The following MID1 variants were observed in gnomAD, a reference collection of about 807,000 sequenced individuals.
The protein encoded by MID1 is E3 ubiquitin-protein ligase Midline-1.
MID1 carries 7 observed loss-of-function variants against 40.4 expected under a neutral mutation model. The ratio of observed to expected loss-of-function variants is 0.17; its 90% CI spans 0.10 to 0.33. MID1 has a LOEUF of 0.33. Among genes scored for constraint, MID1 ranks in the 10% least tolerant of loss-of-function variants. The pLI is 1.00. For synonymous variants in MID1, 229 were observed against 221.2 expected (o/e 1.04, Z -0.31); for missense variants, 367 against 558.5 (o/e 0.66, Z 3.46).
At chrX:10,803,236 C>A (rs1602586817) in intron 1 of MID1, among the ~76,000 whole-genome samples, 1 of 107,809 alleles carries the variant, frequency 9.3e-6, no homozygotes, top group African/African-American at 3.4e-5. Flanking sequence ...TTTTAGAAAG[C>A]AAAAATATAA....
intron 3 of MID1, among the ~76,000 whole-genome samples, chrX:10,511,379 A>AAT (rs753779941): frequency 8.1e-4 from 90 of 111,361 alleles, no homozygotes; most frequent in African/African-American, 2.7e-3. Context: ...CCCAAGTTGT[A>AAT]ATATATATAT....
chrX:10,527,131 T>A (rs1350779703), intron 2 of MID1, among the ~76,000 whole-genome samples: 1 of 112,234 alleles, frequency 8.9e-6, no homozygotes, highest in Non-Finnish European at 1.9e-5. Context: ...TGGGATTAAG[T>A]AGATATCAGT....
chrX:10,625,059 T>C (rs748623029), upstream of MID1, among the ~76,000 whole-genome samples: 3 of 112,014 alleles, frequency 2.7e-5, no homozygotes, highest in East Asian at 8.3e-4. Context: ...AAGAGGAAAA[T>C]TATTTAAATT....
chrX:10,528,599 A>C (rs1043971908), intron 2 of MID1, among the ~76,000 whole-genome samples: 23 of 112,126 alleles, frequency 2.1e-4, no homozygotes, highest in Non-Finnish European at 2.4e-4. Context: ...GTGTTCAATG[A>C]AACTTTATTT....
At chrX:10,692,145 C>A (rs747389615) in intron 1 of MID1, among the ~76,000 whole-genome samples, 2 of 111,639 alleles carry the variant, frequency 1.8e-5, no homozygotes, top group Non-Finnish European at 3.8e-5. Flanking sequence ...GCATTGTGAT[C>A]TTTTATTGCC....
chrX:10,636,753 A>T (rs1936115481), intron 1 of MID1, among the ~76,000 whole-genome samples: 1 of 89,883 alleles, frequency 1.1e-5, no homozygotes, highest in Non-Finnish European at 2.1e-5. Context: ...TATGGATTTG[A>T]TGCTGACAAA....
intron 1 of MID1, among the ~76,000 whole-genome samples, chrX:10,728,353 CA>C (rs2043413306): frequency 9.0e-6 from 1 of 111,595 alleles, no homozygotes; most frequent in African/African-American, 3.3e-5. Context: ...CCCCTCCTTC[CA>C]CATCACACTT....
At chrX:10,665,949 G>T (rs2042947356) in intron 1 of MID1, among the ~76,000 whole-genome samples, 1 of 109,804 alleles carries the variant, frequency 9.1e-6, no homozygotes, top group African/African-American at 3.3e-5. Context: ...AAGCCAAAAA[G>T]GAAAATTGTT....
intron 3 of MID1, among the ~76,000 whole-genome samples, chrX:10,504,013 C>T (rs977765619): frequency 1.8e-5 from 2 of 111,925 alleles, no homozygotes; most frequent in Non-Finnish European, 3.8e-5. Flanking sequence ...TGGCCATTCA[C>T]GATGTTGTTG....
At chrX:10,647,025 T>C (rs1016867547) in intron 1 of MID1, among the ~76,000 whole-genome samples, 2 of 111,964 alleles carry the variant, frequency 1.8e-5, no homozygotes, top group African/African-American at 6.5e-5. Context: ...TCTCTCACTA[T>C]GATCCTGATA....
chrX:10,714,848 C>T (rs950890501), intron 1 of MID1, among the ~76,000 whole-genome samples: 6 of 111,880 alleles, frequency 5.4e-5, no homozygotes, highest in Admixed American at 9.5e-5. Context: ...ACTAAAGCAA[C>T]TAGTGACAAT....
chrX:10,602,168 T>C (rs1464208052), intron 1 of MID1, among the ~76,000 whole-genome samples: 2 of 108,956 alleles, frequency 1.8e-5, no homozygotes, highest in African/African-American at 6.7e-5. Context: ...AAGTGCGGAA[T>C]TGGAGTATTT....
intron 1 of MID1, among the ~76,000 whole-genome samples, chrX:10,657,961 T>A (rs1387498243): frequency 8.9e-6 from 1 of 111,749 alleles, no homozygotes; most frequent in Non-Finnish European, 1.9e-5. Flanking sequence ...TTCTGTGTGG[T>A]CCAGAAAATT....
chrX:10,552,594 G>GT (rs753329517), intron 2 of MID1, among the ~76,000 whole-genome samples: 346 of 105,924 alleles, frequency 3.3e-3, no homozygotes, highest in Middle Eastern at 0.015. Flanking sequence ...TTTTTTAATT[G>GT]TTTTTTTTTC....
intron 3 of MID1, among the ~76,000 whole-genome samples, chrX:10,499,743 G>A: frequency 8.9e-6 from 1 of 112,122 alleles, no homozygotes; most frequent in Non-Finnish European, 1.9e-5. Context: ...TGACCACATT[G>A]TGAGGTCCTC....
intron 1 of MID1, among the ~76,000 whole-genome samples, chrX:10,697,285 T>TAATG (rs2043168177): frequency 1.8e-5 from 2 of 111,882 alleles, no homozygotes; most frequent in Non-Finnish European, 3.8e-5. Context: ...AATAGCTCTT[T>TAATG]AATGATCCGT....
At chrX:10,541,316 AG>A (rs1361385206) in intron 2 of MID1, among the ~76,000 whole-genome samples, 18 of 111,659 alleles carry the variant, frequency 1.6e-4, no homozygotes, top group African/African-American at 5.9e-4. Flanking sequence ...TCACCAGTTC[AG>A]GTGCCAGTAA....
At chrX:10,560,928 T>A (rs6654925) in intron 2 of MID1, among the ~76,000 whole-genome samples, 7,448 of 105,611 alleles carry the variant, frequency 0.071, 1,428 homozygotes, top group African/African-American at 0.26. Flanking sequence ...CCTAAGCAAA[T>A]CGAACAAAGC....
At chrX:10,521,121 AGGGGGG>A (rs1932683439) in intron 3 of MID1, among the ~76,000 whole-genome samples, 1 of 34,047 alleles carries the variant, frequency 2.9e-5, no homozygotes, top group African/African-American at 1.2e-4. Context: ...TGTGTATGGG[AGGGGGG>A]CGGGCGGTGG....
Sources: gnomAD v4.1 joint callset for allele counts (sites outside exome capture counted in the v4.1 genomes callset) on GRCh38, gnomAD v4.1.1 for gene constraint, MANE v1.5 for transcripts, NCBI Gene and HGNC (gene_info 2026-07-23, HGNC 2026-07-21) for gene names.